The following PPFIA1 variants were observed in gnomAD, a reference collection of about 807,000 sequenced individuals.
PPFIA1 encodes the protein liprin-alpha-1.
A neutral mutation model predicts 149.9 loss-of-function variants in PPFIA1; 25 were observed. The observed-to-expected ratio is 0.17, with a 90% CI of 0.12 to 0.23. The LOEUF is 0.23. PPFIA1 is among the 10% of genes least tolerant of loss of function. PPFIA1 has a pLI of 1.00. For synonymous variants in PPFIA1, 549 were observed against 552.8 expected, an observed-to-expected ratio of 0.99 and a Z score of 0.10; for missense variants, 1,362 against 1,506.5, an observed-to-expected ratio of 0.90 and a Z score of 1.59.
chr11:70,335,521 G>T, intron 10 of PPFIA1, 42 bp from the exon 11 acceptor site: 2 of 1,604,258 alleles, frequency 1.2e-6, no homozygotes, highest in South Asian at 2.2e-5. Flanking sequence ...AATGATCGAG[G>T]ATTTACGTGA....
intron 2 of PPFIA1, among the ~76,000 whole-genome samples, chr11:70,274,418 C>T (rs942788544): frequency 2.0e-5 from 3 of 152,202 alleles, no homozygotes; most frequent in African/African-American, 7.2e-5. Context: ...AAGTCCCCTC[C>T]TAACTATTCC....
Position 70,336,365 on chromosome 11 carries a change from G to C in PPFIA1, c.1428+671G>C, listed in dbSNP as rs113314873. Among the ~76,000 whole-genome samples the C allele has an allele frequency of 5.1e-3, 776 of 152,184 alleles. 10 individuals are homozygous for C. Among genetic ancestry groups the C allele is most frequent in the African/African-American group, 0.018 (734 of 41,514 alleles). Reference sequence around the variant, plus strand: ...AAAAATATAAAAATTAGCCAGGCCTGGGGGCACCCGCCTGTAGTCCCAGCT... The same window carrying C: ...AAAAATATAAAAATTAGCCAGGCCTCGGGGCACCCGCCTGTAGTCCCAGCT... On this transcript the variant is annotated intron_variant, in intron 11 of 27. Coordinates refer to ENST00000253925, the MANE Select transcript of PPFIA1 (RefSeq NM_003626.5).
intron 2 of PPFIA1, among the ~76,000 whole-genome samples, chr11:70,288,198 A>C (rs2051284558): frequency 6.6e-6 from 1 of 151,236 alleles, no homozygotes; most frequent in South Asian, 2.1e-4. Flanking sequence ...TCAGCCTCCC[A>C]AGTAGCTAGG....
At chr11:70,357,131 A>G (rs2056399011) in intron 19 of PPFIA1, among the ~76,000 whole-genome samples, 1 of 152,206 alleles carries the variant, frequency 6.6e-6, no homozygotes, top group Admixed American at 6.5e-5. Flanking sequence ...TAAAATAGGC[A>G]GTTTGTGTAG....
chr11:70,358,770 T>TCC (rs2056483688), intron 19 of PPFIA1: 1 of 151,806 alleles, frequency 6.6e-6, no homozygotes, highest in Non-Finnish European at 1.5e-5. Flanking sequence ...TCAAGTTTTG[T>TCC]AAGACACAGC....
intron 21 of PPFIA1, among the ~76,000 whole-genome samples, chr11:70,366,465 T>TCC (rs2056944237): frequency 6.6e-6 from 1 of 152,380 alleles, no homozygotes; most frequent in Non-Finnish European, 1.5e-5. Context: ...TCCTAAGGAA[T>TCC]TAAGCCTCTT....
chr11:70,345,895 C>G (rs897760037), intron 15 of PPFIA1: 5 of 336,290 alleles, frequency 1.5e-5, no homozygotes, highest in Non-Finnish European at 1.8e-5. Flanking sequence ...TGTTCAGGTC[C>G]CGTCACACAG....
At chr11:70,348,499 A>G (rs1258364566) in intron 16 of PPFIA1, 79 bp downstream of exon 16, 11 of 1,127,934 alleles carry the variant, frequency 9.8e-6, no homozygotes, top group Admixed American at 4.3e-5. Context: ...ATCTACCCAC[A>G]AGAAAATCAA....
chr11:70,343,765 G>A lies in PPFIA1; in HGVS notation c.1804G>A (p.Asp602Asn), dbSNP rs1019739366. The A allele has an allele frequency of 4.3e-6, 7 of 1,614,122 alleles. No individual in the cohort carries two copies. In the African/African-American group the frequency reaches 9.3e-5, roughly 22 times the overall value. The change falls in exon 15 of 28, where the codon GAT (aspartate) becomes AAT (asparagine). Residue 602 changes from aspartate (D) to asparagine (N), a missense_variant. Asp to Asn is a conservative substitution (Grantham distance 23). This residue lies in a region of PPFIA1 where 733 missense variants were observed against 744.1 expected (regional missense o/e 0.99). Transcript: ENST00000253925. ...QAFESDADVSDGEDDRDTLLS... is the reference protein window; with the variant it reads ...QAFESDADVSNGEDDRDTLLS... The stretch of plus-strand genomic sequence containing the variant: ...ATTCGAGAGTGATGCTGACGTGTCT[G>A]ATGGTGAAGATGACAGGGACACTCT...
chr11:70,346,085 T>TA (rs1454928957), intron 15 of PPFIA1: 1 of 354,790 alleles, frequency 2.8e-6, no homozygotes, highest in Non-Finnish European at 5.8e-6. Flanking sequence ...ATGCAGAACT[T>TA]ACAAAACGGG....
At chr11:70,302,362 A>T (rs1048544253) in intron 2 of PPFIA1, among the ~76,000 whole-genome samples, 2 of 152,098 alleles carry the variant, frequency 1.3e-5, no homozygotes, top group Non-Finnish European at 2.9e-5. Flanking sequence ...AAAGGCATGG[A>T]GGGCTGTGAG....
At chr11:70,321,610 T>C (rs1022918054) in intron 2 of PPFIA1, among the ~76,000 whole-genome samples, 2 of 151,886 alleles carry the variant, frequency 1.3e-5, no homozygotes, top group African/African-American at 4.8e-5. Flanking sequence ...TAAGAAGATA[T>C]GACCCAAAAA....
At chr11:70,308,236 C>T (rs187551010) in intron 2 of PPFIA1, among the ~76,000 whole-genome samples, 17 of 152,222 alleles carry the variant, frequency 1.1e-4, no homozygotes, top group South Asian at 6.2e-4. Flanking sequence ...TTAGCAGAGA[C>T]GGGGTTTCTC....
At chr11:70,285,641 C>T (rs2051059722) in intron 2 of PPFIA1, among the ~76,000 whole-genome samples, 1 of 149,712 alleles carries the variant, frequency 6.7e-6, no homozygotes, top group African/African-American at 2.5e-5. Context: ...GATCGCACCA[C>T]TGCACTCCAG....
At chr11:70,372,855 T>G (rs2057330943) in intron 23 of PPFIA1, among the ~76,000 whole-genome samples, 1 of 152,230 alleles carries the variant, frequency 6.6e-6, no homozygotes, top group Non-Finnish European at 1.5e-5. Context: ...CCTTTGGTCA[T>G]GCCCTGTGTA....
intron 2 of PPFIA1, among the ~76,000 whole-genome samples, chr11:70,311,390 G>A (rs983625760): frequency 2.6e-5 from 4 of 152,080 alleles, no homozygotes; most frequent in South Asian, 2.1e-4. Flanking sequence ...TGATGAGGGC[G>A]TGTGTGATCA....
chr11:70,375,197 A>C (rs1483858522), intron 24 of PPFIA1, 104 bp downstream of exon 24: 2 of 416,194 alleles, frequency 4.8e-6, no homozygotes, highest in Non-Finnish European at 3.4e-6. Context: ...AAAAAAAAAA[A>C]AAAAACTTCA....
chr11:70,381,945 G>C (rs752138297), intron 26 of PPFIA1, 143 bp from the exon 27 acceptor site: 1 of 651,526 alleles, frequency 1.5e-6, no homozygotes, highest in African/African-American at 1.8e-5. Flanking sequence ...GCTCCATCCC[G>C]CCCACTCAGG....
At chr11:70,315,913 T>C (rs1242544786) in intron 2 of PPFIA1, among the ~76,000 whole-genome samples, 2 of 151,986 alleles carry the variant, frequency 1.3e-5, no homozygotes, top group Non-Finnish European at 2.9e-5. Context: ...CACCTACCAT[T>C]CTATTTTCTA....
Sources: gnomAD v4.1 joint callset for allele counts (sites outside exome capture counted in the v4.1 genomes callset) on GRCh38, gnomAD v4.1.1 for gene constraint, gnomAD v4.1.1 regional missense constraint, MANE v1.5 for transcripts, NCBI Gene and HGNC (gene_info 2026-07-23, HGNC 2026-07-21) for gene names.